Variants in TRPM3 observed in about 807,000 individuals in gnomAD.
The protein encoded by TRPM3 is long transient receptor potential channel 3.
Under a neutral mutation model 181.2 loss-of-function variants are expected in TRPM3, and 77 were observed. That is an observed-to-expected ratio of 0.42 (90% CI 0.35 to 0.51). The LOEUF (loss-of-function observed/expected upper bound fraction) is 0.51, where lower values mean the gene tolerates loss of function less well. TRPM3 is among the 20% of genes least tolerant of loss of function. The pLI is 0.01. For synonymous variants in TRPM3, 745 were observed against 796.4 expected (o/e 0.94, Z 1.09); for missense variants, 1,759 against 2,196.7 (o/e 0.80, Z 3.98).
intron 22 of TRPM3, among the ~76,000 whole-genome samples, chr9:70,583,219 C>A (rs1316923003): frequency 2.0e-5 from 3 of 152,114 alleles, no homozygotes; most frequent in Non-Finnish European, 4.4e-5. Flanking sequence ...ATAAAAATGT[C>A]TTGGCAGAAG....
At chr9:70,826,098 C>G (rs1395660402) in intron 6 of TRPM3, 3 of 152,230 alleles carry the variant, frequency 2.0e-5, no homozygotes, top group Non-Finnish European at 4.4e-5. Flanking sequence ...TCCTTGTTTC[C>G]TTGCTCTTAT....
chr9:70,559,029 T>A (rs1316321196), intron 22 of TRPM3, among the ~76,000 whole-genome samples: 1 of 152,172 alleles, frequency 6.6e-6, no homozygotes, highest in Non-Finnish European at 1.5e-5. Flanking sequence ...TCCCTATAGA[T>A]GTTGTGGGGG....
At chr9:70,854,071 G>A (rs575945840) in intron 3 of TRPM3, among the ~76,000 whole-genome samples, 15 of 152,130 alleles carry the variant, frequency 9.9e-5, no homozygotes, top group East Asian at 1.9e-4. Flanking sequence ...ATAAATGGAC[G>A]TGCCCAGAGC....
At chr9:70,941,397 C>T (rs1007442144) in intron 1 of TRPM3, among the ~76,000 whole-genome samples, 2 of 152,174 alleles carry the variant, frequency 1.3e-5, no homozygotes, top group African/African-American at 2.4e-5. Flanking sequence ...GGCTCTCAGG[C>T]CGTCAGCCAC....
intron 6 of TRPM3, among the ~76,000 whole-genome samples, chr9:70,818,681 T>C (rs902971373): frequency 3.3e-5 from 5 of 152,220 alleles, no homozygotes; most frequent in Admixed American, 1.3e-4. Flanking sequence ...AGCAAGTCAG[T>C]GTGTCTCTTC....
rs543649268 is a variant in TRPM3, at chr9:71,380,337, C to A, written c.183+66316G>T. ...AAAAAAATCTTTAAATACTTTAAATCTTGCCCTATGTTGCGAGGAAGTATG... is the reference window on the plus strand; with the variant it reads ...AAAAAAATCTTTAAATACTTTAAATATTGCCCTATGTTGCGAGGAAGTATG... On this transcript the variant is annotated intron_variant, in intron 1 of 24. Coordinates refer to the TRPM3 transcript ENST00000357533. Among the ~76,000 whole-genome samples, 5 of 152,108 alleles carry A rather than the reference C, an allele frequency of 3.3e-5. No homozygotes were observed. In the South Asian group the frequency reaches 1.0e-3, roughly 32 times the overall value.
chr9:71,337,587 C>G (rs1439298949), intron 1 of TRPM3, among the ~76,000 whole-genome samples: 1 of 151,970 alleles, frequency 6.6e-6, no homozygotes, highest in Non-Finnish European at 1.5e-5. Context: ...GGGTATATAC[C>G]CAAAGGATTA....
At chr9:70,793,491 T>A (rs11142597) in intron 6 of TRPM3, 10,621 of 141,812 alleles carry the variant, frequency 0.075, 532 homozygotes, top group East Asian at 0.34. Flanking sequence ...TATATATATA[T>A]AAAACACATA....
rs879458350 is a variant in TRPM3 at position 71,147,509 on chromosome 9, A to G, written c.184-282998T>C. 3.9e-5 allele frequency among the ~76,000 whole-genome samples: 6 copies of G among 152,110 alleles called. No individual in the cohort carries two copies. The South Asian group carries it at 6.2e-4, about 16-fold the overall frequency. The stretch of plus-strand genomic sequence containing the variant: ...GGCTAAGAAAAGGTTAATGGAAACT[A>G]AACTCAACTGCTCTTCCTTATAAGG... On this transcript the variant is annotated intron_variant, in intron 1 of 24. Coordinates refer to the TRPM3 transcript ENST00000357533.
intron 1 of TRPM3, among the ~76,000 whole-genome samples, chr9:71,432,224 G>A (rs1411454186): frequency 6.6e-6 from 1 of 151,570 alleles, no homozygotes; most frequent in East Asian, 1.9e-4. Context: ...TCCATCGGTG[G>A]ACCCAAAGGC....
At chr9:71,185,862 A>T (rs2077648044) in intron 1 of TRPM3, among the ~76,000 whole-genome samples, 1 of 152,092 alleles carries the variant, frequency 6.6e-6, no homozygotes, top group Non-Finnish European at 1.5e-5. Flanking sequence ...TTCATGGGGT[A>T]TTCATCTCCT....
intron 1 of TRPM3, among the ~76,000 whole-genome samples, chr9:71,445,844 G>C (rs1466536934): frequency 6.6e-6 from 1 of 152,190 alleles, no homozygotes; most frequent in Non-Finnish European, 1.5e-5. Flanking sequence ...GTTAAAAGTG[G>C]TGTATCCTCC....
intron 22 of TRPM3, among the ~76,000 whole-genome samples, chr9:70,554,089 T>G (rs1220253623): frequency 2.4e-4 from 32 of 134,416 alleles, no homozygotes; most frequent in African/African-American, 3.4e-4. Flanking sequence ...AGCCTGGAGG[T>G]GGGGGTGAGG....
At chr9:70,629,335 GTTTTGTTTTTTTC>G (rs2065360057) in intron 12 of TRPM3, among the ~76,000 whole-genome samples, 1 of 147,426 alleles carries the variant, frequency 6.8e-6, no homozygotes, top group Non-Finnish European at 1.5e-5. Flanking sequence ...TTTTTGTTTT[GTTTTGTTTTTTTC>G]TTTTGAGACG....
At chr9:71,117,618 C>T (rs1200987782) in intron 1 of TRPM3, among the ~76,000 whole-genome samples, 1 of 152,094 alleles carries the variant, frequency 6.6e-6, no homozygotes, top group African/African-American at 2.4e-5. Flanking sequence ...TGCCCAAGGT[C>T]ACACAGCTGG....
chr9:70,928,679 C>T (rs976776029), intron 1 of TRPM3, among the ~76,000 whole-genome samples: 1 of 152,164 alleles, frequency 6.6e-6, no homozygotes, highest in Non-Finnish European at 1.5e-5. Flanking sequence ...ACCTGAGCCA[C>T]TGATGGCATG....
chr9:70,661,817 G>A (rs1383900874), intron 9 of TRPM3, among the ~76,000 whole-genome samples: 1 of 152,108 alleles, frequency 6.6e-6, no homozygotes, highest in Non-Finnish European at 1.5e-5. Flanking sequence ...CCATAGATGG[G>A]AAGAATCAAC....
At chr9:70,966,558 G>T (rs968860588) in intron 1 of TRPM3, among the ~76,000 whole-genome samples, 1 of 152,098 alleles carries the variant, frequency 6.6e-6, no homozygotes, top group Non-Finnish European at 1.5e-5. Context: ...ATACTATGCA[G>T]CCATAAAAAA....
At chr9:70,845,528 C>T (rs1320426320) in intron 4 of TRPM3, among the ~76,000 whole-genome samples, 1 of 152,168 alleles carries the variant, frequency 6.6e-6, no homozygotes, top group Non-Finnish European at 1.5e-5. Flanking sequence ...GCATGAGCCA[C>T]CATACCTGGC....
Sources: allele counts gnomAD v4.1 joint callset (sites outside exome capture counted in the v4.1 genomes callset), GRCh38; gene constraint gnomAD v4.1.1; transcripts MANE v1.5; gene names NCBI Gene and HGNC (gene_info 2026-07-23, HGNC 2026-07-21).